The following MCC variants were observed in gnomAD, a reference collection of about 807,000 sequenced individuals.
MCC encodes colorectal mutant cancer protein.
A neutral mutation model predicts 116.2 loss-of-function variants in MCC; 90 were observed. The ratio of observed to expected loss-of-function variants is 0.77; its 90% CI spans 0.65 to 0.92. The LOEUF is 0.92. Among genes scored for constraint, MCC ranks in the 40% least tolerant of loss-of-function variants. MCC has a pLI of 0.00. For synonymous variants in MCC, 578 were observed against 510.5 expected, an observed-to-expected ratio of 1.13 and a Z score of -1.78; for missense variants, 1,516 against 1,312.2, an observed-to-expected ratio of 1.16 and a Z score of -2.40.
intron 3 of MCC, among the ~76,000 whole-genome samples, chr5:113,209,077 C>T (rs1763018861): frequency 6.6e-6 from 1 of 152,208 alleles, no homozygotes; most frequent in African/African-American, 2.4e-5. Flanking sequence ...TCATCTCTCA[C>T]AACCAGAGTC....
intron 1 of MCC, among the ~76,000 whole-genome samples, chr5:113,487,144 C>T (rs948042671): frequency 2.0e-5 from 3 of 151,524 alleles, no homozygotes; most frequent in African/African-American, 7.3e-5. Context: ...TGCGTTGAGT[C>T]CCAAATAAAT....
In MCC at chr5:113,025,851, C is replaced by T. The variant is rs1750509059; in HGVS notation, c.*1451G>A. ...AGAAGGCTGTGGAATTTGTATCATG[C>T]TCTGAAAATAGACCTACCCGTAGCT... On this transcript the variant is annotated 3_prime_UTR_variant, in exon 19 of 19. Coordinates refer to ENST00000408903, the MANE Select transcript of MCC (RefSeq NM_001085377.2). The T allele has an allele frequency of 6.6e-6, 1 of 152,152 alleles. No homozygotes were observed. The highest frequency in any genetic ancestry group is 1.5e-5 in the Non-Finnish European group (1 of 68,036). The allele number at this position is 152,152 out of a possible 1,614,324, so 9.4% of individuals were successfully genotyped here. A position where few individuals can be genotyped will look rare whatever the true frequency, so the allele number is the denominator to read the frequency against.
At chr5:113,340,188 G>A (rs1232521820) in intron 3 of MCC, among the ~76,000 whole-genome samples, 1 of 152,222 alleles carries the variant, frequency 6.6e-6, no homozygotes, top group East Asian at 1.9e-4. Flanking sequence ...ACAGAAGCAA[G>A]TATATCCTAT....
chr5:113,066,364 T>C (rs1753604437), intron 13 of MCC, among the ~76,000 whole-genome samples: 1 of 152,238 alleles, frequency 6.6e-6, no homozygotes, highest in Non-Finnish European at 1.5e-5. Context: ...GCCAAGATCA[T>C]TTTAGGATCT....
chr5:113,283,345 T>C (rs949722730), intron 3 of MCC, among the ~76,000 whole-genome samples: 1 of 152,130 alleles, frequency 6.6e-6, no homozygotes, highest in African/African-American at 2.4e-5. Flanking sequence ...CCAAACCAGA[T>C]TTAAAAATAG....
intron 5 of MCC, among the ~76,000 whole-genome samples, chr5:113,124,500 T>C (rs1018519600): frequency 6.6e-6 from 1 of 152,244 alleles, no homozygotes; most frequent in African/African-American, 2.4e-5. Context: ...TGCTGTTTCT[T>C]TGGTATAAAT....
At chr5:113,222,117 T>C (rs1763573509) in intron 3 of MCC, among the ~76,000 whole-genome samples, 1 of 152,240 alleles carries the variant, frequency 6.6e-6, no homozygotes, top group Non-Finnish European at 1.5e-5. Context: ...TTTGAGGGTT[T>C]TAATTTTAAA....
At chr5:113,387,831 T>C (rs1358818623) in intron 1 of MCC, among the ~76,000 whole-genome samples, 1 of 152,210 alleles carries the variant, frequency 6.6e-6, no homozygotes, top group Non-Finnish European at 1.5e-5. Flanking sequence ...AAGTACTCAA[T>C]AAACAGTAGC....
At chr5:113,367,577 C>T (rs1768727665) in intron 2 of MCC, among the ~76,000 whole-genome samples, 1 of 131,928 alleles carries the variant, frequency 7.6e-6, no homozygotes, top group Non-Finnish European at 1.5e-5. Context: ...AAAGAATTTT[C>T]CCAGACAAGC....
In MCC at chr5:113,026,490, T is replaced by C. The variant is rs191460220; in HGVS notation, c.*812A>G. Reference sequence around the variant, plus strand: ...ACCCCTGACAGAATTTTAGTTCCACTACAGGTATCAAAAAGATTCCCAGCT... The same window carrying C: ...ACCCCTGACAGAATTTTAGTTCCACCACAGGTATCAAAAAGATTCCCAGCT... On this transcript the variant is annotated 3_prime_UTR_variant, in exon 19 of 19. Coordinates refer to ENST00000408903, the MANE Select transcript of MCC (RefSeq NM_001085377.2). 5 of 152,340 alleles carry C rather than the reference T, an allele frequency of 3.3e-5. No individual in the cohort carries two copies. The East Asian group carries it at 9.6e-4, about 29-fold the overall frequency. The allele number at this position is 152,340 out of a possible 1,614,324, so 9.4% of individuals were successfully genotyped here.
At chr5:113,107,342 C>T (rs935888499) in intron 6 of MCC, among the ~76,000 whole-genome samples, 2 of 151,864 alleles carry the variant, frequency 1.3e-5, no homozygotes, top group African/African-American at 2.4e-5. Context: ...CTCAGCCTCC[C>T]GAGTAGCTTG....
intron 15 of MCC, among the ~76,000 whole-genome samples, chr5:113,050,611 C>T (rs181983923): frequency 2.6e-5 from 4 of 152,344 alleles, no homozygotes; most frequent in South Asian, 4.1e-4. Flanking sequence ...AGGTGTGCCA[C>T]GCCCAGAGCC....
chr5:113,062,770 G>A (rs1170018577), intron 14 of MCC, among the ~76,000 whole-genome samples: 1 of 152,210 alleles, frequency 6.6e-6, no homozygotes, highest in Non-Finnish European at 1.5e-5. Context: ...CTGGCTGAGT[G>A]CATTACTGGG....
chr5:113,228,911 G>A (rs951747365), intron 3 of MCC, among the ~76,000 whole-genome samples: 5 of 152,130 alleles, frequency 3.3e-5, no homozygotes, highest in Non-Finnish European at 4.4e-5. Flanking sequence ...GTTTTTGGCC[G>A]GAAAAATGGA....
intron 3 of MCC, among the ~76,000 whole-genome samples, chr5:113,256,123 G>T (rs571547724): frequency 5.9e-5 from 9 of 152,182 alleles, no homozygotes; most frequent in Non-Finnish European, 1.2e-4. Flanking sequence ...GAATCCAAAT[G>T]GAAGGTTCTA....
At chr5:113,315,130 T>G (rs1767246812) in intron 3 of MCC, among the ~76,000 whole-genome samples, 1 of 152,252 alleles carries the variant, frequency 6.6e-6, no homozygotes, top group East Asian at 1.9e-4. Flanking sequence ...ATAAAGTTTG[T>G]GATCCTTACT....
chr5:113,372,855 C>G (rs1048545319), intron 2 of MCC, among the ~76,000 whole-genome samples: 2 of 151,948 alleles, frequency 1.3e-5, no homozygotes, highest in South Asian at 2.1e-4. Context: ...CTGAGCCCAG[C>G]CTAAAACACT....
At chr5:113,286,696 G>C (rs939814064) in intron 3 of MCC, among the ~76,000 whole-genome samples, 1 of 152,074 alleles carries the variant, frequency 6.6e-6, no homozygotes, top group Non-Finnish European at 1.5e-5. Context: ...TATGGTTTTT[G>C]GTATGGCAAT....
intron 3 of MCC, among the ~76,000 whole-genome samples, chr5:113,277,117 C>T (rs1343587777): frequency 1.3e-5 from 2 of 151,588 alleles, no homozygotes; most frequent in African/African-American, 2.4e-5. Flanking sequence ...CCTAGGCAGG[C>T]AGATCACCTG....
Sources: gnomAD v4.1 joint callset for allele counts (sites outside exome capture counted in the v4.1 genomes callset) on GRCh38, gnomAD v4.1.1 for gene constraint, MANE v1.5 for transcripts, NCBI Gene and HGNC (gene_info 2026-07-23, HGNC 2026-07-21) for gene names.